CD48: variants seen among roughly 807,000 people sequenced by gnomAD.
CD48 encodes CD48 antigen.
In CD48, 20 loss-of-function variants were observed where a neutral mutation model predicts 22.0. That is an observed-to-expected ratio of 0.91 (90% CI 0.64 to 1.32). The LOEUF (loss-of-function observed/expected upper bound fraction) is 1.32, where lower values mean the gene tolerates loss of function less well. Ranked by LOEUF, CD48 falls within the 40% of genes most tolerant of loss-of-function variation. The probability of loss-of-function intolerance (pLI) is 0.00; values close to 1 mark genes in which losing one functional copy is unlikely to be tolerated. For synonymous variants in CD48, 110 were observed against 110.1 expected, an observed-to-expected ratio of 1.00 and a Z score of 0.01; for missense variants, 307 against 286.5, an observed-to-expected ratio of 1.07 and a Z score of -0.52.
chr1:160,690,545 C>A (rs1407394841), intron 1 of CD48, among the ~76,000 whole-genome samples: 2 of 152,142 alleles, frequency 1.3e-5, no homozygotes, highest in Admixed American at 1.3e-4. Flanking sequence ...GATTATGGAA[C>A]TCCTGAGCTT....
intron 1 of CD48, among the ~76,000 whole-genome samples, chr1:160,704,579 A>G (rs1310023610): frequency 6.6e-6 from 1 of 152,230 alleles, no homozygotes; most frequent in East Asian, 1.9e-4. Context: ...TTGGAAGTGA[A>G]CAACAGCCAG....
intron 1 of CD48, among the ~76,000 whole-genome samples, chr1:160,691,079 C>T (rs1024393493): frequency 2.0e-5 from 3 of 152,156 alleles, no homozygotes; most frequent in Non-Finnish European, 2.9e-5. Context: ...ACAAAAACTG[C>T]GGAAGCCTGC....
At chr1:160,691,836 C>G (rs981741894) in intron 1 of CD48, 1 of 363,334 alleles carries the variant, frequency 2.8e-6, no homozygotes, top group Non-Finnish European at 4.9e-6. Flanking sequence ...CAAGAGATCC[C>G]GAGTACATCT....
At position 160,681,590 on chromosome 1, in the gene CD48, A is replaced by AAG. The variant is rs1442021407; in HGVS notation, c.386-124_386-123dup. ...GAATGCCCCAGGAGGCAGAGTCATG[A>AAG]AGAAGAAGTTCTACAGAGGGAGCCA... On this transcript the variant is annotated intron_variant, in intron 2 of 3. Transcript: ENST00000368046. 3 of 1,262,986 alleles carry AAG rather than the reference A, an allele frequency of 2.4e-6. No individual in the cohort carries two copies. In the East Asian group the frequency reaches 7.0e-5, roughly 30 times the overall value. The allele number at this position is 1,262,986 out of a possible 1,614,324, so 78.2% of individuals were successfully genotyped here. A position where few individuals can be genotyped will look rare whatever the true frequency, so the allele number is the denominator to read the frequency against.
chr1:160,699,633 G>A (rs1662557075), intron 1 of CD48: 1 of 152,362 alleles, frequency 6.6e-6, no homozygotes, highest in Admixed American at 6.5e-5. Context: ...CTGCCTTAGG[G>A]CTGGAGGTGG....
chr1:160,684,923 TCCCA>T lies in CD48; in HGVS notation c.345_348del (p.Gly116MetfsTer25). ...AGCTTGATCTTCCATTCTTGCTCAT[TCCCA>T]GTCTTTTTCAACACCCTCATGATGT... On this transcript the variant is annotated frameshift_variant, in exon 2 of 4. Transcript: ENST00000368046. LOFTEE classifies it high-confidence loss of function. The T allele has an allele frequency of 6.2e-7, 1 of 1,614,130 alleles. No individual in the cohort carries two copies. Among genetic ancestry groups the T allele is most frequent in the Non-Finnish European group, 8.5e-7 (1 of 1,180,020 alleles).
Position 160,711,688 on chromosome 1 carries a change from T to G in CD48, c.76A>C (p.Ile26Leu), listed in dbSNP as rs777162455. ...CACAGTTGGTGGAAAGTACCTTGAA[T>G]GCTGGTCACCAGGAGTGACAGAGGC... Reference protein sequence around the residue: ...LLPLSLLVTSIQGHLVHMTVV... With the variant: ...LLPLSLLVTSLQGHLVHMTVV... The change falls in exon 1 of 4, where the codon ATT (isoleucine) becomes CTT (leucine). Residue 26 changes from isoleucine (I) to leucine (L), a missense_variant. By Grantham distance (5) the Ile-to-Leu change is conservative. Coordinates refer to ENST00000368046, the MANE Select transcript of CD48 (RefSeq NM_001778.4). 1.7e-5 allele frequency: 28 copies of G among 1,611,396 alleles called. No individual in the cohort carries two copies. The African/African-American group carries it at 2.1e-4, about 12-fold the overall frequency.
At chr1:160,685,289 G>T in intron 1 of CD48, 100 bp from the exon 2 acceptor site, 1 of 847,582 alleles carries the variant, frequency 1.2e-6, no homozygotes, top group South Asian at 1.8e-5. Flanking sequence ...AGAAGGAAGG[G>T]ATTTCTGCTT....
intron 2 of CD48, chr1:160,683,507 A>G (rs1017750606): frequency 2.0e-5 from 3 of 147,288 alleles, no homozygotes; most frequent in Non-Finnish European, 4.5e-5. Flanking sequence ...GGTAAATGCT[A>G]CGCTTTAGGG....
At chr1:160,687,408 A>C (rs1353369492) in intron 1 of CD48, among the ~76,000 whole-genome samples, 2 of 152,174 alleles carry the variant, frequency 1.3e-5, no homozygotes, top group African/African-American at 4.8e-5. Context: ...AAGTAAAGAC[A>C]GGCATAGGAA....
chr1:160,686,316 T>C (rs1661998720), intron 1 of CD48, among the ~76,000 whole-genome samples: 1 of 152,172 alleles, frequency 6.6e-6, no homozygotes, highest in African/African-American at 2.4e-5. Context: ...CTGAGGCTGC[T>C]TCTGAGGCCA....
chr1:160,699,941 T>A (rs974718438), intron 1 of CD48, among the ~76,000 whole-genome samples: 4 of 151,876 alleles, frequency 2.6e-5, no homozygotes, highest in African/African-American at 9.7e-5. Context: ...TGTCTCTGTG[T>A]CTTTTTCTTT....
At position 160,681,413 on chromosome 1, in the gene CD48, G is replaced by C. The variant is rs1360685184; in HGVS notation, c.441C>G (p.Asn147Lys). Residue 147 changes from asparagine (N) to lysine (K), a missense_variant, in exon 3 of 4, where the codon AAC becomes AAG. Asn to Lys is a moderately conservative substitution (Grantham distance 94). Transcript: ENST00000368046. ...TCACACATGACAGTTTCAGATAACA[G>C]TTGTCATCCATGTCTTCTATCTTCT... ...KIEKIEDMDD[N>K]CYLKLSCVIP... The C allele has an allele frequency of 6.2e-7, 1 of 1,613,924 alleles. No individual in the cohort carries two copies.
intron 3 of CD48, among the ~76,000 whole-genome samples, chr1:160,679,341 A>C (rs1160207718): frequency 6.6e-6 from 1 of 152,144 alleles, no homozygotes; most frequent in African/African-American, 2.4e-5. Flanking sequence ...CTTAAATATC[A>C]CTGGCTTACC....
intron 3 of CD48, chr1:160,680,874 C>G: frequency 7.3e-7 from 1 of 1,361,312 alleles, no homozygotes; most frequent in Non-Finnish European, 9.5e-7. Flanking sequence ...CCCTGCTCAC[C>G]CTGATGTTTC....
At chr1:160,684,138 C>T (rs1661906272) in intron 2 of CD48, 1 of 152,214 alleles carries the variant, frequency 6.6e-6, no homozygotes, top group African/African-American at 2.4e-5. Context: ...GGTTCTGGCC[C>T]GAACCTGGTT....
At chr1:160,693,022 A>C (rs1662284120) in intron 1 of CD48, among the ~76,000 whole-genome samples, 1 of 152,288 alleles carries the variant, frequency 6.6e-6, no homozygotes, top group African/African-American at 2.4e-5. Flanking sequence ...AACAGGTCCG[A>C]AGAAATAGGG....
At chr1:160,681,137 C>G in intron 3 of CD48, 65 bp downstream of exon 3, 1 of 1,612,714 alleles carries the variant, frequency 6.2e-7, no homozygotes. Flanking sequence ...GACCCCCAGC[C>G]TTTCTTTGTT....
rs1334991588 is a variant in CD48, at chr1:160,685,080, C to T, written c.192G>A (p.Gln64=). 6.2e-7 allele frequency: 1 copy of T among 1,614,168 alleles called. No homozygotes were observed. The highest frequency in any genetic ancestry group is 1.3e-5 in the African/African-American group (1 of 75,044). ...TTCTGGAATCCCATTCTACAATCTT[C>T]TGGTCGAAAGTATAAAACCAGGTTA... is the stretch of plus-strand genomic sequence containing the variant. ...KQLTWFYTFD[Q]KIVEWDSRKS... is the part of the protein sequence containing the mutation. Residue 64 remains glutamine (Q), a synonymous_variant, in exon 2 of 4, where the codon CAG becomes CAA. Coordinates refer to ENST00000368046, the MANE Select transcript of CD48 (RefSeq NM_001778.4).
Sources: allele counts gnomAD v4.1 joint callset (sites outside exome capture counted in the v4.1 genomes callset), GRCh38; gene constraint gnomAD v4.1.1; transcripts MANE v1.5; gene names NCBI Gene and HGNC (gene_info 2026-07-23, HGNC 2026-07-21).